Variants in DYNLT2B observed in about 807,000 individuals in gnomAD.
The protein encoded by DYNLT2B is dynein light chain Tctex-type protein 2B.
Under a neutral mutation model 19.5 loss-of-function variants are expected in DYNLT2B, and 14 were observed. The observed-to-expected ratio is 0.72, with a 90% CI of 0.47 to 1.12. DYNLT2B has a LOEUF of 1.12. Among genes scored for constraint, DYNLT2B ranks in the 50% most tolerant of loss-of-function variants. The probability of loss-of-function intolerance (pLI) is 0.00; values close to 1 mark genes in which losing one functional copy is unlikely to be tolerated. For missense variants in DYNLT2B, 133 were observed against 174.7 expected, an observed-to-expected ratio of 0.76 and a Z score of 1.35; for synonymous variants, 70 against 59.7, an observed-to-expected ratio of 1.17 and a Z score of -0.79.
At chr3:196,317,997 A>G (rs371580278) in intron 1 of DYNLT2B, 43 bp downstream of exon 1, 9 of 1,279,690 alleles carry the variant, frequency 7.0e-6, no homozygotes, top group Non-Finnish European at 8.4e-6. Flanking sequence ...CCCTCAGACC[A>G]GCGCGCTCGA....
In DYNLT2B at chr3:196,291,390, AAC is replaced by A. The variant is rs751040664; in HGVS notation, c.382-18_382-17del. 1.3e-4 allele frequency: 212 copies of A among 1,605,408 alleles called. No individual in the cohort carries two copies. The highest frequency in any genetic ancestry group is 2.2e-4 in the South Asian group (20 of 89,664). On this transcript the variant is annotated splice_polypyrimidine_tract_variant and intron_variant, in intron 4 of 4. Coordinates refer to ENST00000325318, the MANE Select transcript of DYNLT2B (RefSeq NM_152773.5). ...ATAAACTGTCCTAAAAAATAAATAC[AAC>A]ACACACACACATCCAGAATGTTAGT...
At chr3:196,316,293 C>G in intron 1 of DYNLT2B, 62 bp from the exon 2 acceptor site, 1 of 1,515,624 alleles carries the variant, frequency 6.6e-7, no homozygotes. Context: ...TACCTTCATA[C>G]CGCAACTTCT....
chr3:196,299,386 T>G (rs1726295182), intron 3 of DYNLT2B, among the ~76,000 whole-genome samples: 1 of 151,498 alleles, frequency 6.6e-6, no homozygotes. Context: ...TGCTTGGCCC[T>G]AATTTTTTGT....
chr3:196,306,893 T>A (rs1726502497), intron 3 of DYNLT2B, 50 bp downstream of exon 3: 1 of 1,524,228 alleles, frequency 6.6e-7, no homozygotes, highest in Non-Finnish European at 9.1e-7. Flanking sequence ...GACAGATACC[T>A]CATAAGAAAT....
At chr3:196,301,420 A>G (rs545369863) in intron 3 of DYNLT2B, among the ~76,000 whole-genome samples, 5 of 152,172 alleles carry the variant, frequency 3.3e-5, no homozygotes, top group Non-Finnish European at 5.9e-5. Flanking sequence ...CAACATAAAA[A>G]TAACTACTGT....
At chr3:196,295,866 A>G in intron 4 of DYNLT2B, 140 bp downstream of exon 4, 2 of 711,114 alleles carry the variant, frequency 2.8e-6, no homozygotes, top group Non-Finnish European at 4.6e-6. Context: ...CACAAAAACT[A>G]ACAGTAAAAT....
rs566179736 is a variant in DYNLT2B, at chr3:196,303,915, TG to T, written c.317+3027del. 1.4e-4 allele frequency among the ~76,000 whole-genome samples: 21 copies of T among 152,262 alleles called. No individual in the cohort carries two copies. In the East Asian group the frequency reaches 3.9e-3, roughly 28 times the overall value. ...GATGATGCCTGTAACCCCAGTGTTTTGGGAAGCCGAGGCAGGAGGACTGGTT... is the reference window on the plus strand; with the variant it reads ...GATGATGCCTGTAACCCCAGTGTTTTGGAAGCCGAGGCAGGAGGACTGGTT... On this transcript the variant is annotated intron_variant, in intron 3 of 4. Transcript: ENST00000325318.
chr3:196,303,626 C>T (rs1406925772), intron 3 of DYNLT2B, among the ~76,000 whole-genome samples: 1 of 152,050 alleles, frequency 6.6e-6, no homozygotes, highest in East Asian at 1.9e-4. Flanking sequence ...GAACATTCTA[C>T]AAAACACCTA....
chr3:196,308,013 G>A (rs149437980), intron 2 of DYNLT2B, among the ~76,000 whole-genome samples: 77 of 151,238 alleles, frequency 5.1e-4, no homozygotes, highest in African/African-American at 1.7e-3. Flanking sequence ...CCTGGGAGGC[G>A]GAGGTTGCAG....
chr3:196,317,369 A>AGT (rs56203830), intron 1 of DYNLT2B, among the ~76,000 whole-genome samples: 810 of 15,964 alleles, frequency 0.051, 257 homozygotes, highest in Admixed American at 0.085. Flanking sequence ...TATTTTTTTC[A>AGT]GTGTGTGTGT....
At chr3:196,314,538 C>T (rs1221766991) in intron 2 of DYNLT2B, among the ~76,000 whole-genome samples, 3 of 151,452 alleles carry the variant, frequency 2.0e-5, no homozygotes, top group African/African-American at 7.3e-5. Context: ...AGAGACCAGG[C>T]GCAGTGGCTC....
At chr3:196,291,479 A>T in intron 4 of DYNLT2B, 105 bp from the exon 5 acceptor site, 61 of 1,179,082 alleles carry the variant, frequency 5.2e-5, no homozygotes, top group South Asian at 1.3e-4. Context: ...GATCTTTCCA[A>T]TTTTTTTTTT....
intron 3 of DYNLT2B, among the ~76,000 whole-genome samples, chr3:196,303,196 T>C (rs1228054368): frequency 1.3e-5 from 2 of 151,776 alleles, no homozygotes; most frequent in African/African-American, 4.8e-5. Context: ...CCATCCCTGA[T>C]CAATCAGCAC....
rs544745851 is a variant in DYNLT2B, at chr3:196,310,880, C to T, written c.248-3868G>A. ...CCTCCCAAGTAGCTGGAACCATAGG[C>T]GTGCACCACCACGCCTGGCTAATTC... is the stretch of plus-strand genomic sequence containing the variant. On this transcript the variant is annotated intron_variant, in intron 2 of 4. Transcript: ENST00000325318. 6.0e-4 allele frequency among the ~76,000 whole-genome samples: 91 copies of T among 152,028 alleles called. 1 individual carries two copies. The highest frequency in any genetic ancestry group is 5.4e-3 in the South Asian group (26 of 4,816).
chr3:196,294,527 T>C (rs1011270955), intron 4 of DYNLT2B, among the ~76,000 whole-genome samples: 1 of 152,146 alleles, frequency 6.6e-6, no homozygotes, highest in African/African-American at 2.4e-5. Flanking sequence ...CAGAATCTAT[T>C]TGAATAGGGA....
chr3:196,303,491 A>G (rs1462098165), intron 3 of DYNLT2B, among the ~76,000 whole-genome samples: 1 of 152,200 alleles, frequency 6.6e-6, no homozygotes, highest in Non-Finnish European at 1.5e-5. Flanking sequence ...TATGAACAGT[A>G]ACATGTCATG....
Position 196,296,003 on chromosome 3 carries a change from T to C in DYNLT2B, c.381+3A>G. 6.2e-7 allele frequency: 1 copy of C among 1,612,634 alleles called. No individual in the cohort carries two copies. The highest frequency in any genetic ancestry group is 8.5e-7 in the Non-Finnish European group (1 of 1,179,082). ...GGGAAAAGAGGTTTCCAAATACACT[T>C]ACATTCATGAAAACATCATGAGTAT... On this transcript the variant is annotated splice_donor_region_variant and intron_variant, in intron 4 of 4. Coordinates refer to ENST00000325318, the MANE Select transcript of DYNLT2B (RefSeq NM_152773.5).
intron 3 of DYNLT2B, among the ~76,000 whole-genome samples, chr3:196,300,096 T>C (rs1369538538): frequency 6.6e-6 from 1 of 152,162 alleles, no homozygotes; most frequent in Non-Finnish European, 1.5e-5. Flanking sequence ...CAGGGGCCTC[T>C]AACTGGAACA....
At chr3:196,315,831 C>T (rs1726774874) in intron 2 of DYNLT2B, among the ~76,000 whole-genome samples, 1 of 152,082 alleles carries the variant, frequency 6.6e-6, no homozygotes, top group South Asian at 2.1e-4. Flanking sequence ...AAGATCATGC[C>T]ATTGCACTCC....
Sources: gnomAD v4.1 joint callset for allele counts (sites outside exome capture counted in the v4.1 genomes callset) on GRCh38, gnomAD v4.1.1 for gene constraint, MANE v1.5 for transcripts, NCBI Gene and HGNC (gene_info 2026-07-23, HGNC 2026-07-21) for gene names.